Variants in PLEKHG1 observed in about 807,000 individuals in gnomAD.
PLEKHG1 encodes pleckstrin homology and RhoGEF domain containing G1.
In PLEKHG1, 44 loss-of-function variants were observed where a neutral mutation model predicts 100.8. That is an observed-to-expected ratio of 0.44 (90% CI 0.34 to 0.56). The LOEUF is 0.56. Among genes scored for constraint, PLEKHG1 ranks in the 20% least tolerant of loss-of-function variants. The pLI, the probability that PLEKHG1 is intolerant of heterozygous loss-of-function variation, is 0.01. For missense variants in PLEKHG1, 1,545 were observed against 1,720.9 expected (o/e 0.90, Z 1.81); for synonymous variants, 640 against 662.5 (o/e 0.97, Z 0.52).
intron 3 of PLEKHG1, among the ~76,000 whole-genome samples, chr6:150,682,258 G>T (rs1290830456): frequency 6.6e-6 from 1 of 152,118 alleles, no homozygotes; most frequent in African/African-American, 2.4e-5. Context: ...AGTAAAAAGT[G>T]CACTAAAGCT....
intron 4 of PLEKHG1, among the ~76,000 whole-genome samples, chr6:150,791,436 T>C (rs1210704420): frequency 2.0e-5 from 3 of 151,850 alleles, no homozygotes; most frequent in East Asian, 1.9e-4. Context: ...CCAAGGTGGG[T>C]GGATCATTTG....
chr6:150,628,975 T>A (rs1341198782), intron 1 of PLEKHG1, among the ~76,000 whole-genome samples: 1 of 152,088 alleles, frequency 6.6e-6, no homozygotes, highest in Non-Finnish European at 1.5e-5. Context: ...GGGGACCTGA[T>A]GAGAGAGAAG....
chr6:150,610,361 C>G (rs1360540368), intron 1 of PLEKHG1, among the ~76,000 whole-genome samples: 4 of 152,236 alleles, frequency 2.6e-5, no homozygotes, highest in Non-Finnish European at 2.9e-5. Flanking sequence ...TTCGGCCTCC[C>G]GAAGTGTTGG....
At chr6:150,738,414 G>A (rs114205672) in intron 2 of PLEKHG1, among the ~76,000 whole-genome samples, 28 of 152,066 alleles carry the variant, frequency 1.8e-4, no homozygotes, top group Non-Finnish European at 2.2e-4. Context: ...CAACACAGTC[G>A]CAAATATCAG....
chr6:150,763,169 A>AGCT (rs938207824), intron 2 of PLEKHG1, among the ~76,000 whole-genome samples: 13 of 151,742 alleles, frequency 8.6e-5, no homozygotes, highest in Admixed American at 7.9e-4. Flanking sequence ...CTGGGATTAC[A>AGCT]GCTGCCCACC....
chr6:150,747,575 G>T (rs920619396), intron 2 of PLEKHG1, among the ~76,000 whole-genome samples: 2 of 151,854 alleles, frequency 1.3e-5, no homozygotes, highest in African/African-American at 4.8e-5. Context: ...TTTTTAAATT[G>T]TGGTAACATA....
At chr6:150,693,537 C>G (rs1780425373) in intron 3 of PLEKHG1, among the ~76,000 whole-genome samples, 1 of 152,230 alleles carries the variant, frequency 6.6e-6, no homozygotes, top group Admixed American at 6.5e-5. Flanking sequence ...GGTCCTGCAT[C>G]AGTAACCACC....
At position 150,740,648 on chromosome 6, in the gene PLEKHG1, T is replaced by C. The variant is rs980107220; in HGVS notation, c.411+6556T>C. Among the ~76,000 whole-genome samples, 4 of 152,174 alleles carry C rather than the reference T, an allele frequency of 2.6e-5. No individual in the cohort carries two copies. In the South Asian group the frequency reaches 8.3e-4, roughly 32 times the overall value. On this transcript the variant is annotated intron_variant, in intron 2 of 15. Coordinates refer to ENST00000358517, the Ensembl canonical transcript of PLEKHG1. ...GGGATTGTTTTAAATGAAGGCTCGT[T>C]ATGTGGGTGGATTTAATAAGGAACT... is the stretch of plus-strand genomic sequence containing the variant.
At chr6:150,691,396 G>C (rs188249237) in intron 3 of PLEKHG1, among the ~76,000 whole-genome samples, 71 of 152,302 alleles carry the variant, frequency 4.7e-4, no homozygotes, top group African/African-American at 1.7e-3. Context: ...GTGAAATAAT[G>C]TTATAAAGGA....
chr6:150,636,745 T>A (rs1242080280), intron 1 of PLEKHG1, among the ~76,000 whole-genome samples: 2 of 152,170 alleles, frequency 1.3e-5, no homozygotes, highest in Non-Finnish European at 2.9e-5. Context: ...TGAATAAGAG[T>A]TGACCCATTG....
At chr6:150,619,314 G>T (rs977970709) in intron 1 of PLEKHG1, among the ~76,000 whole-genome samples, 2 of 151,934 alleles carry the variant, frequency 1.3e-5, no homozygotes. Flanking sequence ...TCCCACCTCC[G>T]CACCTCCCTG....
chr6:150,667,088 G>T (rs930053012), intron 3 of PLEKHG1, among the ~76,000 whole-genome samples: 1 of 151,904 alleles, frequency 6.6e-6, no homozygotes, highest in Non-Finnish European at 1.5e-5. Flanking sequence ...CTCCAAAAGG[G>T]GGTGTGTGTG....
intron 12 of PLEKHG1, among the ~76,000 whole-genome samples, chr6:150,819,983 G>T (rs1776205564): frequency 6.6e-6 from 1 of 152,090 alleles, no homozygotes. Flanking sequence ...GCCGAGGCAG[G>T]TGGGTCACCT....
intron 4 of PLEKHG1, among the ~76,000 whole-genome samples, chr6:150,791,054 T>G (rs1449808270): frequency 6.6e-6 from 1 of 152,106 alleles, no homozygotes; most frequent in Admixed American, 6.6e-5. Flanking sequence ...TATATACTCC[T>G]CTGGGGAGGG....
upstream of PLEKHG1, among the ~76,000 whole-genome samples, chr6:150,720,322 C>G (rs1781612788): frequency 1.3e-5 from 2 of 152,052 alleles, no homozygotes; most frequent in African/African-American, 2.4e-5. Context: ...AAATCAAAAA[C>G]CCAAAATAAT....
chr6:150,809,858 G>T, intron 10 of PLEKHG1, 124 bp downstream of exon 11: 2 of 546,538 alleles, frequency 3.7e-6, no homozygotes, highest in Non-Finnish European at 6.3e-6. Context: ...GACAGAGTGA[G>T]ACTGTCTCAA....
At chr6:150,806,129 C>G (rs1787076362) in intron 7 of PLEKHG1, among the ~76,000 whole-genome samples, 1 of 150,886 alleles carries the variant, frequency 6.6e-6, no homozygotes, top group African/African-American at 2.4e-5. Flanking sequence ...TCAGAATAAA[C>G]TCTGTAGGTT....
rs372922366 is a variant in PLEKHG1, at chr6:150,839,019, T to C, written c.3095-814T>C. On this transcript the variant is annotated intron_variant, in intron 15 of 15. Transcript: ENST00000358517. ...AAGAAGCGCAGCAACAGCCAGGAGCTGACTCCTCTAGGAGCAGCTGTCTGA... is the reference window on the plus strand; with the variant it reads ...AAGAAGCGCAGCAACAGCCAGGAGCCGACTCCTCTAGGAGCAGCTGTCTGA... Among the ~76,000 whole-genome samples, 8 of 152,330 alleles carry C rather than the reference T, an allele frequency of 5.3e-5. No homozygotes were observed. In the South Asian group the frequency reaches 1.7e-3, roughly 32 times the overall value.
intron 3 of PLEKHG1, among the ~76,000 whole-genome samples, chr6:150,779,565 C>G (rs1290977972): frequency 2.0e-5 from 3 of 151,714 alleles, no homozygotes; most frequent in African/African-American, 7.3e-5. Context: ...AGGTTGGTCT[C>G]AAACTCCTGA....
Sources: allele counts gnomAD v4.1 joint callset (sites outside exome capture counted in the v4.1 genomes callset), GRCh38; gene constraint gnomAD v4.1.1; transcripts MANE v1.5; gene names NCBI Gene and HGNC (gene_info 2026-07-23, HGNC 2026-07-21).